The following ABCA13 variants were observed in gnomAD, a reference collection of about 807,000 sequenced individuals.
ABCA13 encodes ATP-binding cassette sub-family A member 13.
Under a neutral mutation model 478.7 loss-of-function variants are expected in ABCA13, and 476 were observed. The observed-to-expected ratio is 0.99, with a 90% CI of 0.92 to 1.07. ABCA13 has a LOEUF of 1.07. ABCA13 is among the 50% of genes least tolerant of loss of function. ABCA13 has a pLI of 0.00. For synonymous variants in ABCA13, 2,252 were observed against 2,158.9 expected, an observed-to-expected ratio of 1.04 and a Z score of -1.20; for missense variants, 6,060 against 5,910.6, an observed-to-expected ratio of 1.03 and a Z score of -0.83.
chr7:48,260,038 T>C (rs1477368486), intron 15 of ABCA13, among the ~76,000 whole-genome samples: 3 of 152,106 alleles, frequency 2.0e-5, no homozygotes, highest in Non-Finnish European at 4.4e-5. Flanking sequence ...ATTCCTTAGA[T>C]TTCTTGGATT....
rs1235386741 is a variant in ABCA13, at chr7:48,418,776, CTG to C, written c.12459+6195_12459+6196del. On this transcript the variant is annotated intron_variant, in intron 41 of 61. Transcript: ENST00000435803. ...CAGTGGTGTATTTTCAGATTAGACA[CTG>C]TTATATTTTAATCTGTCTATATTTT... Among the ~76,000 whole-genome samples, 7 of 152,198 alleles carry C rather than the reference CTG, an allele frequency of 4.6e-5. No individual in the cohort carries two copies. The East Asian group carries it at 1.3e-3, about 29-fold the overall frequency.
chr7:48,424,355 G>C (rs1585262280), intron 41 of ABCA13, among the ~76,000 whole-genome samples: 1 of 152,144 alleles, frequency 6.6e-6, no homozygotes, highest in South Asian at 2.1e-4. Context: ...GGTATAAATA[G>C]TGATTTAAAT....
At chr7:48,379,101 A>G (rs1813942214) in intron 35 of ABCA13, among the ~76,000 whole-genome samples, 1 of 152,276 alleles carries the variant, frequency 6.6e-6, no homozygotes, top group Non-Finnish European at 1.5e-5. Context: ...TTTATAACAC[A>G]TATTTAAAAA....
intron 52 of ABCA13, 39 bp downstream of exon 52, chr7:48,516,920 C>G: frequency 6.3e-7 from 1 of 1,589,282 alleles, no homozygotes; most frequent in Non-Finnish European, 8.6e-7. Context: ...ACTTCTGCAC[C>G]TCTAGTGCAA....
intron 57 of ABCA13, among the ~76,000 whole-genome samples, chr7:48,589,507 A>G (rs1028401931): frequency 2.0e-5 from 3 of 152,214 alleles, no homozygotes; most frequent in Non-Finnish European, 4.4e-5. Flanking sequence ...TGTGTTGACT[A>G]CAATCAAACT....
At chr7:48,219,259 A>T in intron 3 of ABCA13, 95 bp from the exon 4 acceptor site, 1 of 1,350,476 alleles carries the variant, frequency 7.4e-7, no homozygotes, top group Non-Finnish European at 1.0e-6. Context: ...GTACAAGTTT[A>T]ATTGAAAGCA....
chr7:48,619,374 T>C (rs1480591492), intron 59 of ABCA13, among the ~76,000 whole-genome samples: 1 of 152,134 alleles, frequency 6.6e-6, no homozygotes, highest in Admixed American at 6.5e-5. Context: ...TGTCTATCCA[T>C]TGATATCAAG....
chr7:48,251,963 C>CTT (rs1211645994), intron 15 of ABCA13, among the ~76,000 whole-genome samples: 1 of 152,084 alleles, frequency 6.6e-6, no homozygotes, highest in African/African-American at 2.4e-5. Context: ...CTCACTTTGT[C>CTT]TTTGACTTTC....
chr7:48,530,344 A>T (rs980257150), intron 55 of ABCA13, among the ~76,000 whole-genome samples: 1 of 151,750 alleles, frequency 6.6e-6, no homozygotes. Flanking sequence ...ACATATATAG[A>T]TGTATATATA....
chr7:48,202,078 T>G (rs1030042828), intron 3 of ABCA13, among the ~76,000 whole-genome samples: 10 of 152,120 alleles, frequency 6.6e-5, no homozygotes, highest in African/African-American at 2.4e-4. Context: ...GACTGTTACA[T>G]CTCATAAAAG....
chr7:48,385,127 C>T (rs1001643554), intron 35 of ABCA13, among the ~76,000 whole-genome samples: 3 of 152,160 alleles, frequency 2.0e-5, no homozygotes, highest in African/African-American at 7.2e-5. Flanking sequence ...AGCTTCCCTT[C>T]ACTTTATGTA....
chr7:48,516,692 A>G (rs1382884064), intron 51 of ABCA13, 33 bp from the exon 52 acceptor site: 1 of 1,605,460 alleles, frequency 6.2e-7, no homozygotes, highest in East Asian at 2.2e-5. Flanking sequence ...ATGTTACAGT[A>G]AAACAAACAT....
intron 27 of ABCA13, among the ~76,000 whole-genome samples, chr7:48,335,016 G>GA (rs1806025303): frequency 6.6e-6 from 1 of 152,162 alleles, no homozygotes; most frequent in South Asian, 2.1e-4. Context: ...AGCAATAAAT[G>GA]AAAAAATATA....
Position 48,278,477 on chromosome 7 carries a change from A to T in ABCA13, c.7283A>T (p.Asp2428Val), listed in dbSNP as rs199803760. ...TCAACAGAGATGGCAAGACTTCTGG[A>T]TACAATTTTACACTCTCCTAATAAG... ...ECSTEMARLL[D>V]TILHSPNKDF... The change falls in exon 18 of 62, where the codon GAT becomes GTT. Residue 2428 changes from aspartate to valine, a missense_variant. This residue lies in a region of ABCA13 where 4,423 missense variants were observed against 4,309.1 expected (regional missense o/e 1.03). Coordinates refer to ENST00000435803, the MANE Select transcript of ABCA13 (RefSeq NM_152701.5). 6.2e-7 allele frequency: 1 copy of T among 1,614,014 alleles called. No homozygotes were observed. The highest frequency in any genetic ancestry group is 8.5e-7 in the Non-Finnish European group (1 of 1,179,882).
At chr7:48,387,514 T>C (rs1815372592) in intron 35 of ABCA13, among the ~76,000 whole-genome samples, 1 of 152,060 alleles carries the variant, frequency 6.6e-6, no homozygotes, top group Non-Finnish European at 1.5e-5. Context: ...AGGGTGGGAC[T>C]TTACTCTGGG....
At chr7:48,253,384 A>T (rs1331752495) in intron 15 of ABCA13, among the ~76,000 whole-genome samples, 1 of 152,230 alleles carries the variant, frequency 6.6e-6, no homozygotes, top group African/African-American at 2.4e-5. Flanking sequence ...GAGGAACTTG[A>T]AATTGATACA....
chr7:48,555,289 G>T (rs756706987), intron 55 of ABCA13, among the ~76,000 whole-genome samples: 18 of 151,738 alleles, frequency 1.2e-4, no homozygotes, highest in Non-Finnish European at 2.4e-4. Flanking sequence ...TTGGCACATA[G>T]TTTTCTTTTT....
intron 3 of ABCA13, among the ~76,000 whole-genome samples, chr7:48,205,449 C>A (rs2128930009): frequency 6.6e-6 from 1 of 152,320 alleles, no homozygotes; most frequent in Admixed American, 6.5e-5. Flanking sequence ...TCTGGCTTCT[C>A]CAACTTGTTA....
intron 45 of ABCA13, among the ~76,000 whole-genome samples, chr7:48,480,004 G>A (rs1347315672): frequency 2.6e-5 from 4 of 152,094 alleles, no homozygotes; most frequent in African/African-American, 7.2e-5. Flanking sequence ...ATGGATTTTC[G>A]AATAAACATA....
Sources: allele counts gnomAD v4.1 joint callset (sites outside exome capture counted in the v4.1 genomes callset), GRCh38; gene constraint gnomAD v4.1.1; regional missense constraint gnomAD v4.1.1; transcripts MANE v1.5; gene names NCBI Gene and HGNC (gene_info 2026-07-23, HGNC 2026-07-21).